PDE11A: variants seen among roughly 807,000 people sequenced by gnomAD.
The protein encoded by PDE11A is phosphodiesterase 11A.
A neutral mutation model predicts 100.5 loss-of-function variants in PDE11A; 100 were observed. The ratio of observed to expected loss-of-function variants is 1.00; its 90% CI spans 0.85 to 1.18. The LOEUF (loss-of-function observed/expected upper bound fraction) is 1.18, where lower values mean the gene tolerates loss of function less well. Ranked by LOEUF, PDE11A falls within the 50% of genes most tolerant of loss-of-function variation. PDE11A has a pLI of 0.00. For synonymous variants in PDE11A, 381 were observed against 420.8 expected, an observed-to-expected ratio of 0.91 and a Z score of 1.16; for missense variants, 1,141 against 1,152.6, an observed-to-expected ratio of 0.99 and a Z score of 0.15.
At chr2:177,794,586 C>T (rs899480600) in intron 9 of PDE11A, among the ~76,000 whole-genome samples, 1 of 152,130 alleles carries the variant, frequency 6.6e-6, no homozygotes, top group African/African-American at 2.4e-5. Flanking sequence ...CAGCTTTCCC[C>T]TCATTTCTGT....
chr2:177,735,838 C>T (rs2081771055), intron 10 of PDE11A, among the ~76,000 whole-genome samples: 1 of 152,204 alleles, frequency 6.6e-6, no homozygotes, highest in African/African-American at 2.4e-5. Flanking sequence ...CTGTCCATGC[C>T]AGGTTGGCTC....
intron 9 of PDE11A, among the ~76,000 whole-genome samples, chr2:177,782,860 T>C (rs2082473430): frequency 6.6e-6 from 1 of 151,944 alleles, no homozygotes. Flanking sequence ...CTTCCCTTCC[T>C]TCTTTCTCTA....
intron 2 of PDE11A, among the ~76,000 whole-genome samples, chr2:177,977,703 A>G (rs2085827835): frequency 2.1e-5 from 3 of 142,066 alleles, no homozygotes; most frequent in South Asian, 4.8e-4. Context: ...ACAAGGCTAC[A>G]GTAACCAAAA....
intron 2 of PDE11A, among the ~76,000 whole-genome samples, chr2:177,985,431 A>G (rs533944634): frequency 5.3e-5 from 8 of 152,206 alleles, no homozygotes; most frequent in Non-Finnish European, 1.2e-4. Flanking sequence ...GATTTGAACT[A>G]AAATTACACA....
At chr2:178,030,382 C>T (rs1302722221) in intron 1 of PDE11A, among the ~76,000 whole-genome samples, 1 of 152,024 alleles carries the variant, frequency 6.6e-6, no homozygotes, top group East Asian at 1.9e-4. Context: ...TAAATTGAAT[C>T]AGTACTTTAA....
intron 2 of PDE11A, among the ~76,000 whole-genome samples, chr2:177,947,629 C>G (rs1469260104): frequency 6.6e-6 from 1 of 151,728 alleles, no homozygotes; most frequent in Non-Finnish European, 1.5e-5. Context: ...ACAAACACTG[C>G]GGAAGGCCGC....
At chr2:178,104,160 G>A (rs2087591193) in intron 2 of PDE11A, 2 of 770,120 alleles carry the variant, frequency 2.6e-6, no homozygotes, top group South Asian at 1.5e-5. Flanking sequence ...CAGGTCTTAT[G>A]ATATAAATCC....
chr2:177,832,365 T>C (rs112393421), intron 6 of PDE11A, among the ~76,000 whole-genome samples: 9 of 152,256 alleles, frequency 5.9e-5, no homozygotes, highest in African/African-American at 1.9e-4. Flanking sequence ...GGCATAAAAA[T>C]GTGAACAAGT....
intron 18 of PDE11A, among the ~76,000 whole-genome samples, chr2:177,666,258 AT>A (rs1466043484): frequency 6.6e-6 from 1 of 152,214 alleles, no homozygotes; most frequent in Admixed American, 6.5e-5. Flanking sequence ...ATTCATTTTT[AT>A]TGCCAAATAA....
chr2:177,990,978 A>C (rs1429011205), intron 2 of PDE11A, among the ~76,000 whole-genome samples: 2 of 151,016 alleles, frequency 1.3e-5, no homozygotes, highest in Non-Finnish European at 2.9e-5. Context: ...TGGGCAACAG[A>C]GTGAGACTCC....
intron 12 of PDE11A, among the ~76,000 whole-genome samples, chr2:177,718,679 T>A (rs1372047061): frequency 6.6e-6 from 1 of 152,256 alleles, no homozygotes; most frequent in African/African-American, 2.4e-5. Flanking sequence ...TTAAGATGTA[T>A]ATCAAGATAT....
At chr2:177,748,337 C>G (rs1053184365) in intron 10 of PDE11A, among the ~76,000 whole-genome samples, 1 of 152,158 alleles carries the variant, frequency 6.6e-6, no homozygotes, top group Non-Finnish European at 1.5e-5. Context: ...AGGAGTCCTG[C>G]ATGCTAACCC....
intron 1 of PDE11A, among the ~76,000 whole-genome samples, chr2:178,051,722 G>A (rs1293454902): frequency 2.0e-5 from 3 of 152,240 alleles, no homozygotes; most frequent in East Asian, 1.9e-4. Flanking sequence ...CCTAGTCTCT[G>A]ATAAAACAGA....
chr2:177,903,164 T>C (rs1558999111), intron 3 of PDE11A, among the ~76,000 whole-genome samples: 1 of 152,152 alleles, frequency 6.6e-6, no homozygotes, highest in Non-Finnish European at 1.5e-5. Context: ...CTGACCAAGC[T>C]TTCTCCTGCC....
Position 177,969,782 on chromosome 2 carries a change from T to C in PDE11A, c.1071+44520A>G, listed in dbSNP as rs1318561639. ...GTATCTCCTGGGGAATAAATGAGTA[T>C]TAAAAATACATATAACCGTGAAGAC... is the stretch of plus-strand genomic sequence containing the variant. On this transcript the variant is annotated intron_variant, in intron 2 of 19. Coordinates refer to ENST00000286063, the MANE Select transcript of PDE11A (RefSeq NM_016953.4). Among the ~76,000 whole-genome samples the C allele has an allele frequency of 2.0e-5, 3 of 152,174 alleles. No homozygotes were observed. In the East Asian group the frequency reaches 5.8e-4, roughly 29 times the overall value.
In PDE11A at chr2:178,072,055, G is replaced by C. The variant is rs569863994; in HGVS notation, c.383C>G (p.Ser128Cys). The change falls in exon 1 of 20, where the codon TCC (serine) becomes TGC (cysteine). Residue 128 changes from serine (S) to cysteine (C), a missense_variant. Coordinates refer to ENST00000286063, the MANE Select transcript of PDE11A (RefSeq NM_016953.4). ...QKELRKSFAR[S>C]KAIHVNRTYD... Reference sequence around the variant, plus strand: ...GGTCCTGTTCACGTGGATGGCCTTGGAGCGGGCAAAACTCTTCCTTAGCTC... The same window carrying C: ...GGTCCTGTTCACGTGGATGGCCTTGCAGCGGGCAAAACTCTTCCTTAGCTC... 1 of 1,613,938 alleles carries C rather than the reference G, an allele frequency of 6.2e-7. No individual in the cohort carries two copies. The highest frequency in any genetic ancestry group is 1.7e-5 in the Admixed American group (1 of 60,026).
At chr2:177,908,204 T>C (rs2084821531) in intron 2 of PDE11A, among the ~76,000 whole-genome samples, 1 of 152,234 alleles carries the variant, frequency 6.6e-6, no homozygotes, top group Non-Finnish European at 1.5e-5. Flanking sequence ...GCAAGATAGA[T>C]GACTAAGACT....
intron 2 of PDE11A, among the ~76,000 whole-genome samples, chr2:177,986,703 C>T (rs950047664): frequency 6.6e-6 from 1 of 151,986 alleles, no homozygotes; most frequent in South Asian, 2.1e-4. Context: ...TGGTGGCGGG[C>T]ACCTGTAATC....
intron 2 of PDE11A, among the ~76,000 whole-genome samples, chr2:177,945,881 G>A: frequency 6.9e-6 from 1 of 144,564 alleles, no homozygotes; most frequent in East Asian, 2.4e-4. Context: ...GAGGTGGGGG[G>A]GTCAGCCCCC....
Sources: allele counts gnomAD v4.1 joint callset (sites outside exome capture counted in the v4.1 genomes callset), GRCh38; gene constraint gnomAD v4.1.1; transcripts MANE v1.5; gene names NCBI Gene and HGNC (gene_info 2026-07-23, HGNC 2026-07-21).